PDE4D: variants seen among roughly 807,000 people sequenced by gnomAD.
PDE4D encodes phosphodiesterase 4D, also known as 3',5'-cyclic-AMP phosphodiesterase 4D.
In PDE4D, 24 loss-of-function variants were observed where a neutral mutation model predicts 87.4. The observed-to-expected ratio is 0.27, with a 90% CI of 0.20 to 0.39. The LOEUF (loss-of-function observed/expected upper bound fraction) is 0.39, where lower values mean the gene tolerates loss of function less well. Ranked by LOEUF, PDE4D falls within the 10% of genes least tolerant of loss-of-function variation. PDE4D has a pLI of 1.00. For missense variants in PDE4D, 714 were observed against 1,041.0 expected (o/e 0.69, Z 4.32); for synonymous variants, 384 against 383.2 (o/e 1.00, Z -0.02).
At chr5:60,446,728 G>A (rs1429940786) in intron 1 of PDE4D, among the ~76,000 whole-genome samples, 1 of 152,136 alleles carries the variant, frequency 6.6e-6, no homozygotes, top group Non-Finnish European at 1.5e-5. Context: ...GAATTCAGAT[G>A]GAGAGCTAAG....
chr5:59,857,982 AGAT>A (rs1329880648), intron 1 of PDE4D, among the ~76,000 whole-genome samples: 37 of 130,284 alleles, frequency 2.8e-4, no homozygotes, highest in Admixed American at 1.8e-3. Context: ...AAGGAAGGAG[AGAT>A]GAAGGAAGGA....
intron 2 of PDE4D, among the ~76,000 whole-genome samples, chr5:60,177,677 G>A (rs532313590): frequency 2.0e-5 from 3 of 152,184 alleles, no homozygotes; most frequent in African/African-American, 7.2e-5. Context: ...AATTATTATT[G>A]AGCCTGTTCT....
intron 3 of PDE4D, among the ~76,000 whole-genome samples, chr5:59,914,259 T>A (rs935361770): frequency 1.3e-5 from 2 of 152,046 alleles, no homozygotes; most frequent in Non-Finnish European, 2.9e-5. Flanking sequence ...TGATAATAAG[T>A]TCTGTGGAGA....
At position 59,091,354 on chromosome 5, in the gene PDE4D, A is replaced by G. The variant is rs140660331; in HGVS notation, c.809-52383T>C. On this transcript the variant is annotated intron_variant, in intron 5 of 14. Coordinates refer to ENST00000340635, the MANE Select transcript of PDE4D (RefSeq NM_001104631.2). Reference sequence around the variant, plus strand: ...ATAAGTGTTCGAAATATCTTTATTCATAATATTTCCAAACTGGATATGTTC... The same window carrying G: ...ATAAGTGTTCGAAATATCTTTATTCGTAATATTTCCAAACTGGATATGTTC... Among the ~76,000 whole-genome samples, 494 of 152,174 alleles carry G rather than the reference A, an allele frequency of 3.2e-3. 5 individuals carry two copies. Among genetic ancestry groups the G allele is most frequent in the African/African-American group, 0.011 (468 of 41,500 alleles).
At chr5:59,516,738 A>G (rs1315664928) in intron 1 of PDE4D, among the ~76,000 whole-genome samples, 1 of 152,170 alleles carries the variant, frequency 6.6e-6, no homozygotes, top group Admixed American at 6.5e-5. Context: ...AGAAACATGA[A>G]TCACTAACAA....
At chr5:59,222,895 C>T (rs1484956210) in intron 1 of PDE4D, among the ~76,000 whole-genome samples, 2 of 152,152 alleles carry the variant, frequency 1.3e-5, no homozygotes, top group South Asian at 2.1e-4. Flanking sequence ...CACCACATTG[C>T]CTGGCAGCTA....
intron 1 of PDE4D, among the ~76,000 whole-genome samples, chr5:59,609,377 T>TACACACACACACACAC (rs61116888): frequency 0.14 from 21,212 of 147,494 alleles, 1,583 homozygotes; most frequent in Middle Eastern, 0.21. Context: ...TTTGTATATG[T>TACACACACACACACAC]ACACACACAC....
intron 11 of PDE4D, among the ~76,000 whole-genome samples, chr5:58,987,185 C>T (rs929232398): frequency 3.9e-5 from 6 of 152,100 alleles, no homozygotes; most frequent in African/African-American, 1.4e-4. Flanking sequence ...CCACTGATAC[C>T]ATGTAAATGC....
intron 1 of PDE4D, among the ~76,000 whole-genome samples, chr5:60,349,711 T>C (rs75258561): frequency 0.033 from 4,964 of 152,288 alleles, 118 homozygotes; most frequent in Middle Eastern, 0.082. Flanking sequence ...ACAGAGCTGA[T>C]AGACCCTGAT....
intron 1 of PDE4D, among the ~76,000 whole-genome samples, chr5:60,312,166 G>A (rs1293411159): frequency 5.3e-5 from 8 of 152,030 alleles, no homozygotes. Flanking sequence ...AGATATATTC[G>A]AGACCTGAAC....
chr5:60,202,467 T>A (rs1299990009), intron 1 of PDE4D, among the ~76,000 whole-genome samples: 2 of 152,178 alleles, frequency 1.3e-5, no homozygotes, highest in African/African-American at 4.8e-5. Flanking sequence ...ATCCCCAGCC[T>A]GTGATTTAAT....
chr5:59,452,204 T>C (rs910927150), intron 1 of PDE4D, among the ~76,000 whole-genome samples: 5 of 152,152 alleles, frequency 3.3e-5, no homozygotes, highest in African/African-American at 1.2e-4. Context: ...CATTGATACA[T>C]TTATATTCAC....
At chr5:59,217,285 G>A in intron 1 of PDE4D, 1 of 455,738 alleles carries the variant, frequency 2.2e-6, no homozygotes, top group Non-Finnish European at 4.4e-6. Flanking sequence ...ATAAACATGT[G>A]AATTCAAGTT....
rs1012732042 is a variant in PDE4D at position 59,847,126 on chromosome 5, G to A, written c.455+46042C>T. On this transcript the variant is annotated intron_variant, in intron 1 of 14. Coordinates refer to ENST00000340635, the MANE Select transcript of PDE4D (RefSeq NM_001104631.2). Reference sequence around the variant, plus strand: ...AGGCACACAAGGCTGCTCAAGGAAAGACAATTGAGCTGCCTTTTCATACAA... The same window carrying A: ...AGGCACACAAGGCTGCTCAAGGAAAAACAATTGAGCTGCCTTTTCATACAA... Among the ~76,000 whole-genome samples the A allele has an allele frequency of 2.6e-4, 39 of 151,992 alleles. 1 individual carries two copies. The highest frequency in any genetic ancestry group is 1.5e-5 in the Non-Finnish European group (1 of 67,954).
chr5:59,558,212 C>T lies in PDE4D; in HGVS notation c.455+334956G>A, dbSNP rs114066867. On this transcript the variant is annotated intron_variant, in intron 1 of 14. Coordinates refer to ENST00000340635, the MANE Select transcript of PDE4D (RefSeq NM_001104631.2). ...CTTTTGTTGGAGTTCACATTCCAGT[C>T]GAAGGGATATGAATATTAAACAAAA... Among the ~76,000 whole-genome samples, 537 of 151,906 alleles carry T rather than the reference C, an allele frequency of 3.5e-3. 4 individuals carry two copies. The highest frequency in any genetic ancestry group is 0.012 in the African/African-American group (497 of 41,428).
At chr5:59,278,845 A>G (rs1479870802) in intron 1 of PDE4D, among the ~76,000 whole-genome samples, 3 of 152,134 alleles carry the variant, frequency 2.0e-5, no homozygotes, top group African/African-American at 7.2e-5. Flanking sequence ...ACTTGGCAAC[A>G]CTTACATGGA....
At chr5:59,795,901 G>A (rs551677819) in intron 1 of PDE4D, among the ~76,000 whole-genome samples, 1 of 152,288 alleles carries the variant, frequency 6.6e-6, no homozygotes, top group African/African-American at 2.4e-5. Flanking sequence ...ATGGGGAAAT[G>A]CAGACACACA....
In PDE4D at chr5:59,244,658, ATATG is replaced by A. The variant is rs1357440693; in HGVS notation, c.456-28694_456-28691del. Among the ~76,000 whole-genome samples, 4 of 133,036 alleles carry A rather than the reference ATATG, an allele frequency of 3.0e-5. No individual in the cohort carries two copies. In the Admixed American group the frequency reaches 3.5e-4, roughly 12 times the overall value. 87.3% of individuals were successfully genotyped at this position (133,036 alleles called of 152,430 possible). A position where few individuals can be genotyped will look rare whatever the true frequency, so the allele number is the denominator to read the frequency against. On this transcript the variant is annotated intron_variant, in intron 1 of 14. Coordinates refer to ENST00000340635, the MANE Select transcript of PDE4D (RefSeq NM_001104631.2). ...CATATATACATATATATGTATAGAT[ATATG>A]TATGTATGTGTGTGTGTCTGTGTGT...
At chr5:60,327,463 C>G (rs185483957) in intron 1 of PDE4D, among the ~76,000 whole-genome samples, 2 of 152,092 alleles carry the variant, frequency 1.3e-5, no homozygotes, top group East Asian at 1.9e-4. Context: ...ATTAGACTGC[C>G]CTTTTTGCAT....
Sources: gnomAD v4.1 joint callset for allele counts (sites outside exome capture counted in the v4.1 genomes callset) on GRCh38, gnomAD v4.1.1 for gene constraint, MANE v1.5 for transcripts, NCBI Gene and HGNC (gene_info 2026-07-23, HGNC 2026-07-21) for gene names.